Variants in SLC19A1 observed in about 807,000 individuals in gnomAD.
The protein encoded by SLC19A1 is solute carrier family 19 member 1.
SLC19A1 carries 37 observed loss-of-function variants against 35.3 expected under a neutral mutation model. That is an observed-to-expected ratio of 1.05 (90% CI 0.81 to 1.38). The LOEUF (loss-of-function observed/expected upper bound fraction) is 1.38. SLC19A1 is among the 40% of genes most tolerant of loss of function. The pLI is 0.00. For missense variants in SLC19A1, 831 were observed against 826.9 expected, an observed-to-expected ratio of 1.00 and a Z score of -0.06; for synonymous variants, 460 against 398.5, an observed-to-expected ratio of 1.15 and a Z score of -1.84.
chr21:45,535,094 C>T (rs956611170), intron 2 of SLC19A1, among the ~76,000 whole-genome samples: 8 of 152,234 alleles, frequency 5.3e-5, no homozygotes, highest in Non-Finnish European at 1.5e-5. Flanking sequence ...CACAGAAGGG[C>T]ACCCAACAGG....
intron 2 of SLC19A1, among the ~76,000 whole-genome samples, chr21:45,532,430 T>C (rs2077965514): frequency 6.6e-6 from 1 of 152,112 alleles, no homozygotes; most frequent in Admixed American, 6.5e-5. Flanking sequence ...CATCTAAGCT[T>C]CTCTATTTTT....
At chr21:45,558,047 T>C (rs973383405) in intron 1 of SLC19A1, among the ~76,000 whole-genome samples, 5 of 152,270 alleles carry the variant, frequency 3.3e-5, no homozygotes, top group Non-Finnish European at 5.9e-5. Context: ...CAAGGCAGTC[T>C]GTGCCGAGTG....
downstream of SLC19A1, among the ~76,000 whole-genome samples, chr21:45,508,050 T>C (rs973053022): frequency 8.8e-5 from 13 of 147,288 alleles, no homozygotes; most frequent in African/African-American, 3.0e-4. Flanking sequence ...CGTAGGTAGA[T>C]GGGGAGGTGG....
rs908507696 is a variant in SLC19A1 at position 45,530,770 on chromosome 21, G to A, written c.1151C>T (p.Thr384Ile). 1.6e-5 allele frequency: 25 copies of A among 1,556,358 alleles called. No individual in the cohort carries two copies. The highest frequency in any genetic ancestry group is 1.2e-4 in the Admixed American group (6 of 51,386). The change falls in exon 4 of 6, where the codon ACC becomes ATC. Residue 384 changes from threonine to isoleucine, a missense_variant and splice_region_variant. Coordinates refer to ENST00000311124, the MANE Select transcript of SLC19A1 (RefSeq NM_194255.4). This position sits in a 1 kb window ranked among gnomAD's most constrained non-coding sequence, Gnocchi z 5.3. ...GSYQFLVPIA[T>I]FQIASSLSKE... is the part of the protein sequence containing the mutation. ...GGCTTCCCACCCTTCTGGAACTCACGTGGCGATGGGCACGAGGAACTGGTA... is the reference window on the plus strand; with the variant it reads ...GGCTTCCCACCCTTCTGGAACTCACATGGCGATGGGCACGAGGAACTGGTA...
intron 3 of SLC19A1, 29 bp downstream of exon 3, chr21:45,531,344 GGAAGCCTCTGCGGGAA>G: frequency 1.3e-6 from 2 of 1,537,960 alleles, no homozygotes; most frequent in South Asian, 2.5e-5. Context: ...GAGGTGGACG[GGAAGCCTCTGCGGGAA>G]GAAGCCTCGG....
intron 5 of SLC19A1, among the ~76,000 whole-genome samples, chr21:45,524,904 C>A (rs2077555676): frequency 6.6e-6 from 1 of 152,238 alleles, no homozygotes; most frequent in Non-Finnish European, 1.5e-5. Context: ...TGAGTGTTCA[C>A]ACCTGGGTCG....
chr21:45,545,349 C>T (rs1233217682), upstream of SLC19A1, among the ~76,000 whole-genome samples: 1 of 152,048 alleles, frequency 6.6e-6, no homozygotes, highest in Admixed American at 6.5e-5. Flanking sequence ...CACTCAAGAG[C>T]AGGTTGTTTA....
chr21:45,538,803 G>A (rs2078216598), intron 1 of SLC19A1, among the ~76,000 whole-genome samples: 1 of 152,174 alleles, frequency 6.6e-6, no homozygotes, highest in Non-Finnish European at 1.5e-5. Flanking sequence ...GACCTGACAC[G>A]TTCCAGATGG....
intron 5 of SLC19A1, among the ~76,000 whole-genome samples, chr21:45,520,749 G>A (rs1468441750): frequency 6.6e-6 from 1 of 152,208 alleles, no homozygotes; most frequent in Non-Finnish European, 1.5e-5. Context: ...AGCCGGGCAT[G>A]GTGGCTCATG....
At chr21:45,560,276 A>G (rs1359426455) in intron 1 of SLC19A1, among the ~76,000 whole-genome samples, 2 of 152,204 alleles carry the variant, frequency 1.3e-5, no homozygotes, top group African/African-American at 4.8e-5. Context: ...CCACGGCTCA[A>G]TGAGGCCAGC....
At chr21:45,537,719 T>TTGGGGGGGGGCC in intron 2 of SLC19A1, 52 bp downstream of exon 2, 1 of 319,776 alleles carries the variant, frequency 3.1e-6, no homozygotes, top group Non-Finnish European at 5.6e-6. Flanking sequence ...CAGACGCTGC[T>TTGGGGGGGGGCC]CCCCGCCCAC....
chr21:45,538,780 G>A (rs1161764732), intron 1 of SLC19A1, among the ~76,000 whole-genome samples: 2 of 152,194 alleles, frequency 1.3e-5, no homozygotes, highest in East Asian at 1.9e-4. Flanking sequence ...GCAGCTGGCA[G>A]GAGCCATGAG....
chr21:45,547,635 C>T (rs1194633825), upstream of SLC19A1, among the ~76,000 whole-genome samples: 1 of 152,164 alleles, frequency 6.6e-6, no homozygotes, highest in Non-Finnish European at 1.5e-5. Flanking sequence ...TTAGCTTTAC[C>T]TGTAACCTGG....
At position 45,503,924 on chromosome 21, in the gene SLC19A1, C is replaced by T; in HGVS notation, c.498-5312G>A. 7.4e-6 allele frequency: 11 copies of T among 1,479,726 alleles called. No individual in the cohort carries two copies. The South Asian group carries it at 9.1e-5, about 12-fold the overall frequency. The allele number at this position is 1,479,726 out of a possible 1,614,324, so 91.7% of individuals were successfully genotyped here. A position where few individuals can be genotyped will look rare whatever the true frequency, so the allele number is the denominator to read the frequency against. Reference sequence around the variant, plus strand: ...GCGAAATGGCTAGAAGGGCCTCAGGCAAACCCACCAGTGCTGGGGGCTGCA... The same window carrying T: ...GCGAAATGGCTAGAAGGGCCTCAGGTAAACCCACCAGTGCTGGGGGCTGCA... On this transcript the variant is annotated intron_variant, in intron 3 of 4. Coordinates refer to the SLC19A1 transcript ENST00000417954.
downstream of SLC19A1, chr21:45,509,584 C>G (rs1198296938): frequency 6.6e-7 from 1 of 1,518,640 alleles, no homozygotes; most frequent in Non-Finnish European, 8.8e-7. Context: ...CCACAGCCAC[C>G]GCGACTTCCA....
At chr21:45,505,703 G>C (rs918212594) in intron 3 of SLC19A1, 2 of 758,602 alleles carry the variant, frequency 2.6e-6, no homozygotes, top group Admixed American at 4.2e-5. Context: ...TGCTCATGGG[G>C]GCAGCCGCCT....
At chr21:45,551,022 C>T (rs759000516) in intron 1 of SLC19A1, among the ~76,000 whole-genome samples, 55 of 151,124 alleles carry the variant, frequency 3.6e-4, no homozygotes, top group Non-Finnish European at 6.8e-4. Flanking sequence ...CTCTACCTTC[C>T]CCCTTGTCTT....
At chr21:45,503,410 A>G (rs2146060335) in intron 3 of SLC19A1, among the ~76,000 whole-genome samples, 1 of 152,030 alleles carries the variant, frequency 6.6e-6, no homozygotes, top group Non-Finnish European at 1.5e-5. Context: ...CCACTTTTTG[A>G]TGGGGTTGTT....
intron 1 of SLC19A1, among the ~76,000 whole-genome samples, chr21:45,554,829 A>T (rs1454013242): frequency 6.6e-6 from 1 of 151,628 alleles, no homozygotes; most frequent in African/African-American, 2.4e-5. Context: ...GGTTTTTCCC[A>T]TCTTATTTGC....
Sources: allele counts gnomAD v4.1 joint callset (sites outside exome capture counted in the v4.1 genomes callset), GRCh38; gene constraint gnomAD v4.1.1; non-coding constraint Gnocchi (gnomAD v3.1); transcripts MANE v1.5; gene names NCBI Gene and HGNC (gene_info 2026-07-23, HGNC 2026-07-21).